Variants in DYNLT2 observed in about 807,000 individuals in gnomAD.
DYNLT2 encodes dynein light chain Tctex-type protein 2.
A neutral mutation model predicts 24.3 loss-of-function variants in DYNLT2; 24 were observed. The observed-to-expected ratio is 0.99, with a 90% CI of 0.71 to 1.39. The LOEUF is 1.39. Among genes scored for constraint, DYNLT2 ranks in the 40% most tolerant of loss-of-function variants. The probability of loss-of-function intolerance (pLI) is 0.00; values close to 1 mark genes in which losing one functional copy is unlikely to be tolerated. For synonymous variants in DYNLT2, 85 were observed against 85.4 expected, an observed-to-expected ratio of 1.00 and a Z score of 0.03; for missense variants, 246 against 234.5, an observed-to-expected ratio of 1.05 and a Z score of -0.32.
chr6:169,726,693 C>T, the DYNLT2 span, among the ~76,000 whole-genome samples: 1 of 152,194 alleles, frequency 6.6e-6, no homozygotes, highest in Non-Finnish European at 1.5e-5. Flanking sequence ...CCCTCCATTT[C>T]CTCATTTGTA....
the DYNLT2 span, among the ~76,000 whole-genome samples, chr6:169,731,570 G>C: frequency 6.6e-6 from 1 of 152,172 alleles, no homozygotes; most frequent in Non-Finnish European, 1.5e-5. Context: ...CAGGGGACTT[G>C]TCTGTTTTTT....
At chr6:169,726,931 T>C in the DYNLT2 span, among the ~76,000 whole-genome samples, 8 of 151,740 alleles carry the variant, frequency 5.3e-5, no homozygotes, top group Non-Finnish European at 1.2e-4. Flanking sequence ...CAGATATACG[T>C]GAAAATAAGG....
chr6:169,744,088 T>C lies in DYNLT2; in HGVS notation c.307A>G (p.Lys103Glu). ...KKFQAHSVET[K>E]VQQILTESLK... ...CCTACTGTTAGTATCTGCTGGACTT[T>C]AGTTTCTACTGAATGAGCTTGGAAT... Residue 103 changes from lysine to glutamate, a missense_variant, in exon 2 of 4, where the codon AAA becomes GAA. Transcript: ENST00000366774. 3 of 1,612,482 alleles carry C rather than the reference T, an allele frequency of 1.9e-6. No homozygotes were observed. The Admixed American group carries it at 5.0e-5, about 27-fold the overall frequency.
At chr6:169,744,043 C>T (rs1229368038) in intron 2 of DYNLT2, 25 bp downstream of exon 2, 1 of 1,595,372 alleles carries the variant, frequency 6.3e-7, no homozygotes, top group Admixed American at 1.7e-5. Flanking sequence ...TACAATACTG[C>T]TATCATATAT....
intron 1 of DYNLT2, among the ~76,000 whole-genome samples, chr6:169,747,514 AC>A (rs1275263337): frequency 2.0e-5 from 3 of 152,160 alleles, no homozygotes; most frequent in Non-Finnish European, 1.5e-5. Context: ...CCCAATTTCC[AC>A]ATCTCTAAAT....
chr6:169,746,338 CTTCTT>C (rs1775665278), intron 1 of DYNLT2, among the ~76,000 whole-genome samples: 1 of 151,858 alleles, frequency 6.6e-6, no homozygotes, highest in South Asian at 2.1e-4. Flanking sequence ...TTAGCTCTTT[CTTCTT>C]TTCTAATATA....
chr6:169,728,664 A>T, the DYNLT2 span, among the ~76,000 whole-genome samples: 1 of 152,338 alleles, frequency 6.6e-6, no homozygotes, highest in South Asian at 2.1e-4. Flanking sequence ...GGAATTTTTT[A>T]AATTGTAAAA....
chr6:169,746,722 G>C (rs942946691), intron 1 of DYNLT2, among the ~76,000 whole-genome samples: 14 of 151,972 alleles, frequency 9.2e-5, no homozygotes, highest in African/African-American at 3.1e-4. Flanking sequence ...TGATTCACCA[G>C]GTAAAGAAAC....
chr6:169,736,371 T>C (rs1286734166), downstream of DYNLT2, among the ~76,000 whole-genome samples: 2 of 152,092 alleles, frequency 1.3e-5, no homozygotes, highest in Admixed American at 1.3e-4. Flanking sequence ...GCTATTTGAT[T>C]ATTTTGCACA....
At chr6:169,737,313 T>A (rs909747302), downstream of DYNLT2, among the ~76,000 whole-genome samples, 4 of 152,246 alleles carry the variant, frequency 2.6e-5, no homozygotes, top group African/African-American at 4.8e-5. Context: ...GAAGTCTACT[T>A]CTGTCAATTC....
chr6:169,746,093 T>C (rs951490980), intron 1 of DYNLT2, among the ~76,000 whole-genome samples: 58 of 152,334 alleles, frequency 3.8e-4, no homozygotes, highest in Admixed American at 3.3e-4. Flanking sequence ...ATATTTATAG[T>C]GTTCATGTAA....
intron 2 of DYNLT2, 152 bp from the exon 3 acceptor site, chr6:169,743,390 TA>T (rs1241941946): frequency 2.8e-6 from 1 of 361,736 alleles, no homozygotes; most frequent in East Asian, 4.8e-5. Flanking sequence ...ATTTTATGCT[TA>T]CCTATTTCAG....
the DYNLT2 span, among the ~76,000 whole-genome samples, chr6:169,729,688 G>A: frequency 1.3e-5 from 2 of 152,168 alleles, no homozygotes; most frequent in Non-Finnish European, 2.9e-5. Flanking sequence ...GAGGTGATTA[G>A]ATTTACATGA....
the DYNLT2 span, among the ~76,000 whole-genome samples, chr6:169,733,802 GT>G: frequency 6.6e-6 from 1 of 152,174 alleles, no homozygotes; most frequent in Non-Finnish European, 1.5e-5. Context: ...ATTTAAAATA[GT>G]TTTTTCTAAT....
At chr6:169,742,888 C>T (rs1789710035) in intron 3 of DYNLT2, among the ~76,000 whole-genome samples, 192 bp downstream of exon 3, 3 of 152,184 alleles carry the variant, frequency 2.0e-5, no homozygotes, top group South Asian at 4.1e-4. Context: ...CATGAGCCAA[C>T]GAACCCAGCT....
chr6:169,728,668 T>C, the DYNLT2 span, among the ~76,000 whole-genome samples: 57 of 152,210 alleles, frequency 3.7e-4, no homozygotes, highest in Non-Finnish European at 6.9e-4. Flanking sequence ...TTTTTTAAAT[T>C]GTAAAACTAA....
At chr6:169,733,268 G>C in the DYNLT2 span, among the ~76,000 whole-genome samples, 1 of 152,054 alleles carries the variant, frequency 6.6e-6, no homozygotes, top group Non-Finnish European at 1.5e-5. Context: ...TTCTTTTGCT[G>C]TACAGAAGCT....
chr6:169,740,580 G>C (rs1362984375), intron 3 of DYNLT2, among the ~76,000 whole-genome samples: 1 of 152,106 alleles, frequency 6.6e-6, no homozygotes, highest in Non-Finnish European at 1.5e-5. Context: ...GGATGTAGTG[G>C]CTCTGCATAC....
rs905441950 is a variant in DYNLT2, at chr6:169,744,274, A to C, written c.121T>G (p.Tyr41Asp). The change falls in exon 2 of 4, where the codon TAT (tyrosine) becomes GAT (aspartate). Residue 41 changes from tyrosine (Y) to aspartate (D), a missense_variant and splice_region_variant. By Grantham distance (160) the Tyr-to-Asp change is radical. Transcript: ENST00000366774. ...RRPSMFEKEA[Y>D]TQILRERLRE... The stretch of plus-strand genomic sequence containing the variant: ...AGTCTTTCTCTTAAAATCTGTGTAT[A>C]CTGGAGGAGAAAGAGAGAGGGGAAG... 4.3e-6 allele frequency: 7 copies of C among 1,612,102 alleles called. No homozygotes were observed. The highest frequency in any genetic ancestry group is 5.9e-6 in the Non-Finnish European group (7 of 1,179,002).
Sources: allele counts gnomAD v4.1 joint callset (sites outside exome capture counted in the v4.1 genomes callset), GRCh38; gene constraint gnomAD v4.1.1; transcripts MANE v1.5; gene names NCBI Gene and HGNC (gene_info 2026-07-23, HGNC 2026-07-21).